The following KLF8 variants were observed in gnomAD, a reference collection of about 807,000 sequenced individuals.
KLF8 encodes Krueppel-like factor 8.
KLF8 carries 10 observed loss-of-function variants against 18.2 expected under a neutral mutation model. That is an observed-to-expected ratio of 0.55 (90% CI 0.34 to 0.93). KLF8 has a LOEUF of 0.93. KLF8 is among the 40% of genes least tolerant of loss of function. KLF8 has a pLI of 0.02. For synonymous variants in KLF8, 109 were observed against 97.3 expected, an observed-to-expected ratio of 1.12 and a Z score of -0.71; for missense variants, 264 against 277.9, an observed-to-expected ratio of 0.95 and a Z score of 0.36.
the KLF8 span, among the ~76,000 whole-genome samples, chrX:55,925,741 A>G: frequency 8.9e-6 from 1 of 111,983 alleles, no homozygotes; most frequent in African/African-American, 3.2e-5. Context: ...TTTGAAGATG[A>G]AATTTTATCA....
At chrX:56,213,279 G>GTTTTCTTTTC in the KLF8 span, among the ~76,000 whole-genome samples, 7 of 40,843 alleles carry the variant, frequency 1.7e-4, no homozygotes, top group Admixed American at 3.3e-4. Context: ...TTTTTCTTTT[G>GTTTTCTTTTC]TTTTCTTTTC....
At chrX:56,273,369 ATT>A (rs61319695) in intron 5 of KLF8, among the ~76,000 whole-genome samples, 1 of 106,678 alleles carries the variant, frequency 9.4e-6, no homozygotes, top group African/African-American at 3.4e-5. Context: ...CAATTAAATG[ATT>A]TTTTTTTTAC....
At chrX:56,097,516 A>T in the KLF8 span, among the ~76,000 whole-genome samples, 1 of 105,150 alleles carries the variant, frequency 9.5e-6, no homozygotes, top group East Asian at 3.0e-4. Flanking sequence ...TCACTCTTTT[A>T]TTATTATTAT....
At chrX:55,911,129 G>A in the KLF8 span, among the ~76,000 whole-genome samples, 4 of 112,019 alleles carry the variant, frequency 3.6e-5, no homozygotes, top group Non-Finnish European at 7.5e-5. Context: ...AAAAGAAAAC[G>A]TTTAGAAAAT....
chrX:55,937,164 T>C, the KLF8 span, among the ~76,000 whole-genome samples: 2 of 110,686 alleles, frequency 1.8e-5, no homozygotes, highest in Non-Finnish European at 3.8e-5. Context: ...CGGGTACTCC[T>C]CTGACACAAA....
chrX:56,147,541 C>T, the KLF8 span, among the ~76,000 whole-genome samples: 3 of 112,396 alleles, frequency 2.7e-5, no homozygotes, highest in Non-Finnish European at 5.6e-5. Flanking sequence ...TTCATTATTT[C>T]ATTTATATGA....
At chrX:56,122,660 C>T in the KLF8 span, among the ~76,000 whole-genome samples, 1 of 111,215 alleles carries the variant, frequency 9.0e-6, no homozygotes, top group Non-Finnish European at 1.9e-5. Flanking sequence ...ATTTGAGCTT[C>T]CTGCTTTAAG....
chrX:56,264,979 TGCCG>T (rs921460499), intron 2 of KLF8, among the ~76,000 whole-genome samples, 197 bp from the exon 3 acceptor site: 1 of 112,065 alleles, frequency 8.9e-6, no homozygotes, highest in African/African-American at 3.2e-5. Context: ...TTTTAACAAT[TGCCG>T]GATACAGTAC....
the KLF8 span, among the ~76,000 whole-genome samples, chrX:56,207,712 GTCT>G: frequency 9.1e-6 from 1 of 110,417 alleles, no homozygotes; most frequent in Admixed American, 9.8e-5. Context: ...ACATTTTGCT[GTCT>G]TCTTCTGATT....
the KLF8 span, among the ~76,000 whole-genome samples, chrX:56,129,468 T>G: frequency 9.0e-6 from 1 of 111,219 alleles, no homozygotes; most frequent in Non-Finnish European, 1.9e-5. Context: ...TGAGACAATT[T>G]AGAGAGCTGA....
the KLF8 span, among the ~76,000 whole-genome samples, chrX:56,219,094 G>A: frequency 8.9e-6 from 1 of 112,079 alleles, no homozygotes; most frequent in African/African-American, 3.2e-5. Flanking sequence ...AAATATAAAT[G>A]TCATAATGTG....
the KLF8 span, among the ~76,000 whole-genome samples, chrX:56,012,654 T>C: frequency 9.0e-6 from 1 of 111,259 alleles, no homozygotes; most frequent in Non-Finnish European, 1.9e-5. Flanking sequence ...GAAGTCAAAC[T>C]GTCTCTATTT....
chrX:55,947,227 G>T, the KLF8 span, among the ~76,000 whole-genome samples: 1 of 110,588 alleles, frequency 9.0e-6, no homozygotes, highest in Admixed American at 9.7e-5. Context: ...GTAAAGACTT[G>T]GAACCAAGCC....
At chrX:56,204,508 A>G in the KLF8 span, among the ~76,000 whole-genome samples, 7 of 111,592 alleles carry the variant, frequency 6.3e-5, no homozygotes, top group Non-Finnish European at 1.1e-4. Context: ...CGGATCTTCA[A>G]GAAAAGGTTT....
chrX:56,223,688 T>C, the KLF8 span, among the ~76,000 whole-genome samples: 1 of 112,076 alleles, frequency 8.9e-6, no homozygotes, highest in Non-Finnish European at 1.9e-5. Flanking sequence ...ATACATAACA[T>C]ACCTAATTAC....
the KLF8 span, chrX:56,074,759 G>C: frequency 3.9e-5 from 5 of 129,377 alleles, no homozygotes; most frequent in Non-Finnish European, 7.7e-5. Context: ...GATTATTCAG[G>C]CTATGTAAGG....
At chrX:56,051,285 T>C in the KLF8 span, among the ~76,000 whole-genome samples, 1 of 110,949 alleles carries the variant, frequency 9.0e-6, no homozygotes, top group Non-Finnish European at 1.9e-5. Flanking sequence ...GTTAATATTG[T>C]TACGTGTGAA....
the KLF8 span, among the ~76,000 whole-genome samples, chrX:56,145,346 T>A: frequency 9.0e-6 from 1 of 111,723 alleles, no homozygotes; most frequent in Non-Finnish European, 1.9e-5. Context: ...CCTCATCCAC[T>A]GATGTTGGGA....
At chrX:56,258,275 T>C (rs2066827841) in intron 2 of KLF8, among the ~76,000 whole-genome samples, 1 of 112,037 alleles carries the variant, frequency 8.9e-6, no homozygotes, top group African/African-American at 3.2e-5. Context: ...ACCTTTGTTG[T>C]TGTTGTTGTT....
Sources: gnomAD v4.1 joint callset for allele counts (sites outside exome capture counted in the v4.1 genomes callset) on GRCh38, gnomAD v4.1.1 for gene constraint, MANE v1.5 for transcripts, NCBI Gene and HGNC (gene_info 2026-07-23, HGNC 2026-07-21) for gene names.